The following IL1RAPL2 variants were observed in gnomAD, a reference collection of about 807,000 sequenced individuals.
IL1RAPL2 encodes the protein interleukin 1 receptor accessory protein like 2.
Under a neutral mutation model 44.1 loss-of-function variants are expected in IL1RAPL2, and 3 were observed. The observed-to-expected ratio is 0.07, with a 90% CI of 0.03 to 0.18. The LOEUF (loss-of-function observed/expected upper bound fraction) is 0.18, where lower values mean the gene tolerates loss of function less well. Ranked by LOEUF, IL1RAPL2 falls within the 10% of genes least tolerant of loss-of-function variation. The probability of loss-of-function intolerance (pLI) is 1.00; values close to 1 mark genes in which losing one functional copy is unlikely to be tolerated. For missense variants in IL1RAPL2, 391 were observed against 496.4 expected, an observed-to-expected ratio of 0.79 and a Z score of 2.02; for synonymous variants, 181 against 178.8, an observed-to-expected ratio of 1.01 and a Z score of -0.10.
intron 2 of IL1RAPL2, among the ~76,000 whole-genome samples, chrX:104,679,056 T>G (rs1930844150): frequency 8.9e-6 from 1 of 112,029 alleles, no homozygotes; most frequent in African/African-American, 3.2e-5. Flanking sequence ...TAAAGAAACT[T>G]ACCTTACATC....
intron 5 of IL1RAPL2, among the ~76,000 whole-genome samples, chrX:105,271,645 A>G (rs1334989206): frequency 1.8e-5 from 2 of 110,926 alleles, no homozygotes; most frequent in East Asian, 5.7e-4. Context: ...GGCCATTTTC[A>G]CGATATTGAT....
At chrX:105,090,908 C>A (rs2032536738) in intron 2 of IL1RAPL2, among the ~76,000 whole-genome samples, 1 of 111,536 alleles carries the variant, frequency 9.0e-6, no homozygotes, top group African/African-American at 3.3e-5. Context: ...TGTAAAATTT[C>A]TTTTGTTTTC....
intron 2 of IL1RAPL2, among the ~76,000 whole-genome samples, chrX:105,006,652 A>AT (rs1313209617): frequency 2.7e-5 from 3 of 110,893 alleles, no homozygotes; most frequent in Non-Finnish European, 3.8e-5. Flanking sequence ...TTGAGAGTAA[A>AT]TTTTTATCCC....
intron 5 of IL1RAPL2, among the ~76,000 whole-genome samples, chrX:105,440,720 G>C (rs2035914378): frequency 8.9e-6 from 1 of 112,253 alleles, no homozygotes. Context: ...GGCATGAAAT[G>C]TTCAATCGGT....
intron 5 of IL1RAPL2, among the ~76,000 whole-genome samples, chrX:105,353,338 G>A (rs2035172975): frequency 9.0e-6 from 1 of 111,601 alleles, no homozygotes; most frequent in African/African-American, 3.3e-5. Context: ...CTGTAGGCTT[G>A]TAGTATAGTT....
intron 5 of IL1RAPL2, among the ~76,000 whole-genome samples, chrX:105,426,763 A>C (rs1463153714): frequency 9.0e-6 from 1 of 110,870 alleles, no homozygotes; most frequent in Admixed American, 9.7e-5. Flanking sequence ...ATGAATTGCT[A>C]ATGTTCCTTC....
At chrX:105,281,044 C>G (rs747004348) in intron 5 of IL1RAPL2, among the ~76,000 whole-genome samples, 14 of 111,753 alleles carry the variant, frequency 1.3e-4, no homozygotes, top group Admixed American at 1.2e-3. Flanking sequence ...CAATGATAGA[C>G]TGGATAAAGA....
intron 6 of IL1RAPL2, among the ~76,000 whole-genome samples, chrX:105,575,312 G>A (rs752766315): frequency 7.2e-5 from 8 of 110,587 alleles, no homozygotes; most frequent in Admixed American, 1.9e-4. Context: ...TTATTTTTTC[G>A]ATCCTCTCCC....
intron 5 of IL1RAPL2, among the ~76,000 whole-genome samples, chrX:105,418,786 T>TA (rs773786891): frequency 1.4e-4 from 16 of 112,122 alleles, no homozygotes; most frequent in Non-Finnish European, 2.4e-4. Flanking sequence ...ATCATATTGT[T>TA]ATAAAACTCA....
intron 2 of IL1RAPL2, among the ~76,000 whole-genome samples, chrX:104,994,982 G>A (rs2030723039): frequency 9.1e-6 from 1 of 110,168 alleles, no homozygotes. Flanking sequence ...GCAGGCTGGG[G>A]GCTCCAAATA....
chrX:105,556,704 G>C (rs1010861522), intron 6 of IL1RAPL2, among the ~76,000 whole-genome samples: 1 of 112,050 alleles, frequency 8.9e-6, no homozygotes, highest in African/African-American at 3.2e-5. Context: ...GGACACATAT[G>C]TGACTGGCTT....
intron 4 of IL1RAPL2, among the ~76,000 whole-genome samples, chrX:105,235,582 A>G (rs1556200803): frequency 9.0e-6 from 1 of 111,487 alleles, no homozygotes; most frequent in Non-Finnish European, 1.9e-5. Context: ...CCAAGAACAT[A>G]CTCTGTACTA....
intron 2 of IL1RAPL2, among the ~76,000 whole-genome samples, chrX:104,912,049 G>A (rs1157491105): frequency 1.8e-5 from 2 of 111,235 alleles, no homozygotes; most frequent in Non-Finnish European, 3.8e-5. Context: ...TTGCTTCATA[G>A]TGCTTATCAG....
chrX:105,585,142 T>A (rs965439444), intron 6 of IL1RAPL2, among the ~76,000 whole-genome samples: 17 of 110,886 alleles, frequency 1.5e-4, no homozygotes, highest in Non-Finnish European at 3.8e-5. Context: ...TTTAAATATA[T>A]TGAATATTTT....
At chrX:105,437,360 A>G (rs1365330553) in intron 5 of IL1RAPL2, among the ~76,000 whole-genome samples, 1 of 110,879 alleles carries the variant, frequency 9.0e-6, no homozygotes, top group African/African-American at 3.3e-5. Context: ...CTCTACATCT[A>G]TCATATAAAT....
rs762412414 is a variant in IL1RAPL2 at position 105,455,181 on chromosome X, A to G, written c.698-29132A>G. On this transcript the variant is annotated intron_variant, in intron 5 of 10. Coordinates refer to ENST00000372582, the MANE Select transcript of IL1RAPL2 (RefSeq NM_017416.2). ...CAGTGAGACACAAGAGAATACAGGT[A>G]TATTGATACAATTCAACTAATTTAG... is the stretch of plus-strand genomic sequence containing the variant. Among the ~76,000 whole-genome samples, 3 of 112,590 alleles carry G rather than the reference A, an allele frequency of 2.7e-5. No individual in the cohort carries two copies. In the South Asian group the frequency reaches 1.1e-3, roughly 41 times the overall value.
chrX:105,631,290 AGTACATCTG>A (rs1320293216), intron 6 of IL1RAPL2, among the ~76,000 whole-genome samples: 1 of 112,145 alleles, frequency 8.9e-6, no homozygotes, highest in Non-Finnish European at 1.9e-5. Context: ...AGATTTAGTC[AGTACATCTG>A]GTACATCTGG....
chrX:105,620,689 T>C (rs2037413203), intron 6 of IL1RAPL2, among the ~76,000 whole-genome samples: 1 of 109,341 alleles, frequency 9.1e-6, no homozygotes, highest in Admixed American at 9.9e-5. Context: ...GAAGGTGATA[T>C]AAATCTCCCC....
chrX:105,275,136 G>A (rs769885070), intron 5 of IL1RAPL2, among the ~76,000 whole-genome samples: 3 of 110,433 alleles, frequency 2.7e-5, no homozygotes, highest in Non-Finnish European at 3.8e-5. Flanking sequence ...ACTTGAACTC[G>A]GGAGGTGGAG....
Sources: gnomAD v4.1 joint callset for allele counts (sites outside exome capture counted in the v4.1 genomes callset) on GRCh38, gnomAD v4.1.1 for gene constraint, MANE v1.5 for transcripts, NCBI Gene and HGNC (gene_info 2026-07-23, HGNC 2026-07-21) for gene names.